Variants in ZNF433 observed in about 807,000 individuals in gnomAD.
ZNF433 encodes the protein zinc finger protein 433.
Under a neutral mutation model 10.6 loss-of-function variants are expected in ZNF433, and 12 were observed. The observed-to-expected ratio is 1.13, with a 90% CI of 0.72 to 1.83. The LOEUF (loss-of-function observed/expected upper bound fraction) is 1.83, where lower values mean the gene tolerates loss of function less well. ZNF433 is among the 40% of genes most tolerant of loss of function. The probability of loss-of-function intolerance (pLI) is 0.00; values close to 1 mark genes in which losing one functional copy is unlikely to be tolerated. For synonymous variants in ZNF433, 272 were observed against 271.3 expected, an observed-to-expected ratio of 1.00 and a Z score of -0.02; for missense variants, 737 against 798.0, an observed-to-expected ratio of 0.92 and a Z score of 0.92.
rs202034136 is a variant in ZNF433, at chr19:12,016,290, G to A, written c.568C>T (p.Arg190Cys). The change falls in exon 4 of 4, where the codon CGT becomes TGT. Residue 190 changes from arginine to cysteine, a missense_variant. By Grantham distance (180) the Arg-to-Cys change is radical (BLOSUM62 -3). Coordinates refer to ENST00000550507, the MANE Select transcript of ZNF433 (RefSeq NM_001308348.2). ...TTACACTTATAAGGTCCATCTCCACGGTGCATTATCCTGTGTCTTTGAAGG... is the reference window on the plus strand; with the variant it reads ...TTACACTTATAAGGTCCATCTCCACAGTGCATTATCCTGTGTCTTTGAAGG... ...SNLQRHRIMH[R>C]GDGPYKCKFC... The A allele has an allele frequency of 3.7e-5, 60 of 1,614,146 alleles. No homozygotes were observed. The highest frequency in any genetic ancestry group is 3.2e-4 in the South Asian group (29 of 91,074).
At chr19:12,023,698 G>A (rs2145441740) in intron 1 of ZNF433, 1 of 152,252 alleles carries the variant, frequency 6.6e-6, no homozygotes, top group South Asian at 2.1e-4. Flanking sequence ...TAAAGCCCCT[G>A]AAGTATATCA....
rs1174050166 is a variant in ZNF433 at position 12,035,532 on chromosome 19, C to T, written c.3+5G>A. The T allele has an allele frequency of 6.4e-6, 10 of 1,573,004 alleles. No homozygotes were observed. Among genetic ancestry groups the T allele is most frequent in the Non-Finnish European group, 8.6e-6 (10 of 1,159,364 alleles). ...CGCCTCGGGACCCCTGGCCCGCACG[C>T]TCACCATTTCTTGCCTTTCAGGTGA... On this transcript the variant is annotated splice_donor_5th_base_variant and intron_variant, in intron 1 of 3. Transcript: ENST00000550507.
intron 1 of ZNF433, among the ~76,000 whole-genome samples, chr19:12,022,383 C>T (rs376247332): frequency 2.0e-5 from 3 of 152,122 alleles, no homozygotes; most frequent in Non-Finnish European, 4.4e-5. Context: ...AATTTCTGTT[C>T]GTGGCTCTCA....
At chr19:12,016,780 C>A in intron 3 of ZNF433, 114 bp from the exon 4 acceptor site, 1 of 1,363,212 alleles carries the variant, frequency 7.3e-7, no homozygotes, top group Non-Finnish European at 9.7e-7. Flanking sequence ...GTCTCACTCT[C>A]TTGCCCAGGC....
intron 1 of ZNF433, among the ~76,000 whole-genome samples, chr19:12,033,358 A>C (rs1462246552): frequency 2.0e-5 from 3 of 151,948 alleles, no homozygotes; most frequent in African/African-American, 4.8e-5. Flanking sequence ...CAACCTCCCA[A>C]AGTGTTGGGA....
chr19:12,030,368 G>T (rs750088555), intron 1 of ZNF433, among the ~76,000 whole-genome samples: 4 of 151,832 alleles, frequency 2.6e-5, no homozygotes, highest in Admixed American at 6.6e-5. Flanking sequence ...CTACAGGTGC[G>T]CATCACCAAG....
intron 1 of ZNF433, among the ~76,000 whole-genome samples, chr19:12,035,100 CCTATT>C (rs1975219848): frequency 6.6e-6 from 1 of 152,172 alleles, no homozygotes; most frequent in South Asian, 2.1e-4. Context: ...TTTTTTAAAA[CCTATT>C]CTGAGAAGCA....
chr19:12,020,220 C>A (rs1002331826), intron 1 of ZNF433, among the ~76,000 whole-genome samples: 1 of 151,642 alleles, frequency 6.6e-6, no homozygotes, highest in Admixed American at 6.6e-5. Flanking sequence ...TGCAGTGAGC[C>A]GAGATTGTGC....
intron 1 of ZNF433, among the ~76,000 whole-genome samples, chr19:12,021,142 G>C (rs1974475744): frequency 6.6e-6 from 1 of 151,738 alleles, no homozygotes; most frequent in African/African-American, 2.4e-5. Context: ...ACTATACCCG[G>C]CTAATTTTTT....
intron 1 of ZNF433, chr19:12,024,732 T>C (rs1395071685): frequency 2.0e-5 from 3 of 152,238 alleles, no homozygotes; most frequent in Non-Finnish European, 4.4e-5. Flanking sequence ...ACTGGTGTTA[T>C]TGTCCAAGAG....
intron 1 of ZNF433, chr19:12,030,105 A>C: frequency 5.3e-6 from 2 of 374,546 alleles, no homozygotes; most frequent in South Asian, 2.0e-5. Context: ...AAAAAAAAAA[A>C]ATAGCCATCT....
At chr19:12,023,520 C>T (rs1485018452) in intron 1 of ZNF433, 1 of 152,156 alleles carries the variant, frequency 6.6e-6, no homozygotes, top group Admixed American at 6.6e-5. Context: ...AAGCAGCTTA[C>T]TGGGTGAATC....
At position 12,015,421 on chromosome 19, in the gene ZNF433, A is replaced by G. The variant is rs1232967062; in HGVS notation, c.1437T>C (p.Gly479=). ...HREEKPYECK[G]YGKTFSLPSL... is the part of the protein sequence containing the mutation. ...TGGGCAAACTGAATGTTTTCCCATA[A>G]CCCTTACATTCATACGGCTTCTCTT... Residue 479 remains glycine (G), a synonymous_variant, in exon 4 of 4, where the codon GGT becomes GGC. Transcript: ENST00000550507. The G allele has an allele frequency of 9.9e-6, 16 of 1,614,010 alleles. No individual in the cohort carries two copies. Among genetic ancestry groups the G allele is most frequent in the Non-Finnish European group, 1.3e-5 (15 of 1,179,942 alleles).
In ZNF433 at chr19:12,016,047, T is replaced by G. The variant is rs1364425026; in HGVS notation, c.811A>C (p.Arg271=). 1 of 1,614,154 alleles carries G rather than the reference T, an allele frequency of 6.2e-7. No homozygotes were observed. The highest frequency in any genetic ancestry group is 2.2e-5 in the East Asian group (1 of 44,874). Reference sequence around the variant, plus strand: ...TATGGCTTCTCCCCAGTGTGAGTTCTTTTATGAGCATGAAGGCATGTGGAA... The same window carrying G: ...TATGGCTTCTCCCCAGTGTGAGTTCGTTTATGAGCATGAAGGCATGTGGAA... ...HSSTCLHAHK[R]THTGEKPYEC... Residue 271 remains arginine (R), a synonymous_variant, in exon 4 of 4, where the codon AGA becomes CGA. Transcript: ENST00000550507.
chr19:12,017,441 G>A (rs1445817199), intron 3 of ZNF433, among the ~76,000 whole-genome samples: 1 of 152,076 alleles, frequency 6.6e-6, no homozygotes, highest in East Asian at 1.9e-4. Flanking sequence ...GACCTCAAGT[G>A]ACCCACCCTC....
intron 1 of ZNF433, chr19:12,023,881 T>C (rs1445882842): frequency 1.3e-5 from 2 of 152,094 alleles, no homozygotes; most frequent in African/African-American, 2.4e-5. Context: ...ATATGATGCA[T>C]GAAATGGGGT....
In ZNF433 at chr19:12,015,891, G is replaced by A. The variant is rs771051239; in HGVS notation, c.967C>T (p.Arg323Cys). Residue 323 changes from arginine (R) to cysteine (C), a missense_variant, in exon 4 of 4, where the codon CGC becomes TGC. Coordinates refer to ENST00000550507, the MANE Select transcript of ZNF433 (RefSeq NM_001308348.2). ...CTAGAGTGGGTTCTTTCATGTCTGCGAACAGAACTGGGACACTTGAATGCT... is the reference window on the plus strand; with the variant it reads ...CTAGAGTGGGTTCTTTCATGTCTGCAAACAGAACTGGGACACTTGAATGCT... ...GKAFKCPSSV[R>C]RHERTHSRKK... 30 of 1,613,556 alleles carry A rather than the reference G, an allele frequency of 1.9e-5. No homozygotes were observed. Among genetic ancestry groups the A allele is most frequent in the East Asian group, 2.2e-5 (1 of 44,868 alleles).
chr19:12,031,929 T>C (rs1291535921), intron 1 of ZNF433, among the ~76,000 whole-genome samples: 3 of 150,806 alleles, frequency 2.0e-5, no homozygotes, highest in Admixed American at 6.6e-5. Context: ...TGTTTTTTTT[T>C]TTTCTTTCTC....
At chr19:12,029,521 CAAAAAAAAAAAAAAAAA>C (rs55659942) in intron 1 of ZNF433, among the ~76,000 whole-genome samples, 1 of 48,424 alleles carries the variant, frequency 2.1e-5, no homozygotes, top group Non-Finnish European at 3.5e-5. Context: ...GACTCTGTCT[CAAAAAAAAAAAAAAAAA>C]AAAAAAAAAA....
Sources: gnomAD v4.1 joint callset for allele counts (sites outside exome capture counted in the v4.1 genomes callset) on GRCh38, gnomAD v4.1.1 for gene constraint, MANE v1.5 for transcripts, NCBI Gene and HGNC (gene_info 2026-07-23, HGNC 2026-07-21) for gene names.